Variants in RGS6 observed in about 807,000 individuals in gnomAD.
The protein encoded by RGS6 is regulator of G protein signaling 6.
Under a neutral mutation model 78.5 loss-of-function variants are expected in RGS6, and 30 were observed. That is an observed-to-expected ratio of 0.38 (90% CI 0.29 to 0.52). The LOEUF (loss-of-function observed/expected upper bound fraction) is 0.52, where lower values mean the gene tolerates loss of function less well. Among genes scored for constraint, RGS6 ranks in the 20% least tolerant of loss-of-function variants. The probability of loss-of-function intolerance (pLI) is 0.85; values close to 1 mark genes in which losing one functional copy is unlikely to be tolerated. For synonymous variants in RGS6, 206 were observed against 206.0 expected, an observed-to-expected ratio of 1.00 and a Z score of 0.00; for missense variants, 495 against 609.7, an observed-to-expected ratio of 0.81 and a Z score of 1.98.
intron 3 of RGS6, among the ~76,000 whole-genome samples, chr14:72,450,471 C>G (rs2095466686): frequency 6.6e-6 from 1 of 152,020 alleles, no homozygotes; most frequent in Non-Finnish European, 1.5e-5. Context: ...GTTTTGGGTG[C>G]CGTCTGGTGT....
At chr14:72,571,968 A>T in the RGS6 span, among the ~76,000 whole-genome samples, 2 of 152,344 alleles carry the variant, frequency 1.3e-5, no homozygotes, top group South Asian at 4.1e-4. Context: ...AGACAAATAA[A>T]TAATGCAATT....
intron 2 of RGS6, among the ~76,000 whole-genome samples, chr14:72,184,062 G>A (rs550034518): frequency 1.3e-5 from 2 of 152,078 alleles, no homozygotes; most frequent in African/African-American, 2.4e-5. Flanking sequence ...GCTTTTGATT[G>A]GACTTTCCTA....
At chr14:71,869,276 C>T in the RGS6 span, among the ~76,000 whole-genome samples, 1 of 152,150 alleles carries the variant, frequency 6.6e-6, no homozygotes, top group Non-Finnish European at 1.5e-5. Flanking sequence ...ATGCTAGCAG[C>T]TAGAGATGAG....
chr14:72,413,785 A>G (rs1004745893), intron 3 of RGS6, among the ~76,000 whole-genome samples: 14 of 152,088 alleles, frequency 9.2e-5, no homozygotes, highest in Admixed American at 2.6e-4. Flanking sequence ...ATCTCTCAGC[A>G]TTTGCTTGTC....
intron 9 of RGS6, among the ~76,000 whole-genome samples, chr14:72,473,590 C>T (rs993082280): frequency 2.0e-5 from 3 of 152,330 alleles, no homozygotes; most frequent in African/African-American, 7.2e-5. Flanking sequence ...AACTCTGAAT[C>T]TTCAACTATT....
intron 2 of RGS6, among the ~76,000 whole-genome samples, chr14:72,346,884 T>C (rs2529470): frequency 0.46 from 70,515 of 152,074 alleles, 16,652 homozygotes; most frequent in South Asian, 0.6. Flanking sequence ...ATTGTGTCTA[T>C]CTTTTTATAT....
intron 2 of RGS6, among the ~76,000 whole-genome samples, chr14:72,201,159 G>C (rs1306303067): frequency 6.6e-6 from 1 of 152,150 alleles, no homozygotes; most frequent in African/African-American, 2.4e-5. Context: ...GCCGTGGGAT[G>C]TATATGGTCC....
At chr14:72,055,862 G>GT (rs1441934243) in intron 2 of RGS6, among the ~76,000 whole-genome samples, 1 of 152,182 alleles carries the variant, frequency 6.6e-6, no homozygotes, top group African/African-American at 2.4e-5. Context: ...GCCTTTGAGA[G>GT]TTTTTTGGTT....
intron 17 of RGS6, among the ~76,000 whole-genome samples, chr14:72,549,964 C>G (rs949032442): frequency 6.6e-6 from 1 of 152,170 alleles, no homozygotes; most frequent in Non-Finnish European, 1.5e-5. Context: ...TGTCCTCAGC[C>G]CAGCTCAGGG....
intron 2 of RGS6, among the ~76,000 whole-genome samples, chr14:72,008,654 T>A (rs746430653): frequency 6.6e-6 from 1 of 152,120 alleles, no homozygotes; most frequent in Non-Finnish European, 1.5e-5. Flanking sequence ...TCCCTCACGG[T>A]GGGGAAAGCC....
At chr14:72,020,087 G>T (rs922149734) in intron 2 of RGS6, among the ~76,000 whole-genome samples, 3 of 152,322 alleles carry the variant, frequency 2.0e-5, no homozygotes, top group East Asian at 3.9e-4. Context: ...ACTTTGACAA[G>T]AATTTTCTCA....
At chr14:71,935,846 G>A (rs1299061301) in intron 1 of RGS6, among the ~76,000 whole-genome samples, 1 of 151,468 alleles carries the variant, frequency 6.6e-6, no homozygotes, top group African/African-American at 2.4e-5. Context: ...TTCAAACACA[G>A]AAACACCTGG....
At chr14:71,887,823 C>T in the RGS6 span, among the ~76,000 whole-genome samples, 7 of 152,090 alleles carry the variant, frequency 4.6e-5, no homozygotes, top group African/African-American at 1.7e-4. Context: ...CTGTTTTTGC[C>T]CTTTGTCCTG....
At chr14:72,376,843 A>G (rs79094722) in intron 3 of RGS6, among the ~76,000 whole-genome samples, 3 of 152,216 alleles carry the variant, frequency 2.0e-5, no homozygotes, top group Non-Finnish European at 4.4e-5. Flanking sequence ...AGAGTCTTAC[A>G]TCTAGAAGCG....
chr14:72,111,204 T>G (rs2095754056), intron 2 of RGS6, among the ~76,000 whole-genome samples: 1 of 152,172 alleles, frequency 6.6e-6, no homozygotes, highest in African/African-American at 2.4e-5. Context: ...TTTTCCACAG[T>G]TACTGTAAAA....
chr14:71,958,805 T>C (rs2238280), intron 1 of RGS6, among the ~76,000 whole-genome samples: 113,716 of 152,012 alleles, frequency 0.75, 42,524 homozygotes, highest in South Asian at 0.81. Context: ...AAATGGTTAA[T>C]CTGTAAATCT....
chr14:72,363,092 T>C (rs2081797547), intron 3 of RGS6, among the ~76,000 whole-genome samples: 1 of 152,208 alleles, frequency 6.6e-6, no homozygotes. Context: ...ATGAAAAGGA[T>C]ACAAGAATTA....
At position 72,340,679 on chromosome 14, in the gene RGS6, G is replaced by T. The variant is rs187876388; in HGVS notation, c.85-11416G>T. The stretch of plus-strand genomic sequence containing the variant: ...AGGCTTTCCAGTTTTTGCAGCTGCT[G>T]AGGAAACTTCATTCTCACCCTTCTT... On this transcript the variant is annotated intron_variant, in intron 2 of 17. Coordinates refer to ENST00000553525, the MANE Select transcript of RGS6 (RefSeq NM_001204424.2). Among the ~76,000 whole-genome samples the T allele has an allele frequency of 2.9e-4, 44 of 152,294 alleles. 1 individual carries two copies. The East Asian group carries it at 6.8e-3, about 23-fold the overall frequency.
At chr14:72,437,371 A>T (rs2094977269) in intron 3 of RGS6, among the ~76,000 whole-genome samples, 1 of 151,300 alleles carries the variant, frequency 6.6e-6, no homozygotes, top group South Asian at 2.1e-4. Flanking sequence ...AAGGAAAAAA[A>T]AAATCACAAC....
Sources: gnomAD v4.1 joint callset for allele counts (sites outside exome capture counted in the v4.1 genomes callset) on GRCh38, gnomAD v4.1.1 for gene constraint, MANE v1.5 for transcripts, NCBI Gene and HGNC (gene_info 2026-07-23, HGNC 2026-07-21) for gene names.